The following GTF2A1 variants were observed in gnomAD, a reference collection of about 807,000 sequenced individuals.
The protein encoded by GTF2A1 is general transcription factor IIA subunit 1, also known as transcription initiation factor IIA subunit 1.
In GTF2A1, 12 loss-of-function variants were observed where a neutral mutation model predicts 54.1. That is an observed-to-expected ratio of 0.22 (90% confidence interval 0.14 to 0.36). The LOEUF (loss-of-function observed/expected upper bound fraction) is 0.36. GTF2A1 is among the 10% of genes least tolerant of loss of function. GTF2A1 has a pLI of 1.00. For synonymous variants in GTF2A1, 145 were observed against 152.0 expected (o/e 0.95, Z 0.34); for missense variants, 335 against 442.2 (o/e 0.76, Z 2.17).
intron 2 of GTF2A1, among the ~76,000 whole-genome samples, chr14:81,207,159 C>G (rs1022074906): frequency 1.4e-5 from 2 of 146,702 alleles, no homozygotes; most frequent in African/African-American, 2.6e-5. Context: ...ACCTACCTAC[C>G]TACCTACCTA....
chr14:81,189,330 T>C (rs1458590732), intron 7 of GTF2A1, among the ~76,000 whole-genome samples: 2 of 152,130 alleles, frequency 1.3e-5, no homozygotes, highest in Admixed American at 6.5e-5. Context: ...AAGAAATATA[T>C]CAACTACCAT....
At chr14:81,191,823 A>AT (rs1439139711) in intron 7 of GTF2A1, among the ~76,000 whole-genome samples, 1 of 152,182 alleles carries the variant, frequency 6.6e-6, no homozygotes, top group African/African-American at 2.4e-5. Context: ...ATATTCAATA[A>AT]TAAACTATGT....
chr14:81,220,418 C>T, intron 1 of GTF2A1, 71 bp downstream of exon 1: 3 of 1,110,386 alleles, frequency 2.7e-6, no homozygotes, highest in Non-Finnish European at 3.8e-6. Context: ...CCGCCGTCCC[C>T]GCCCCCGCCC....
intron 3 of GTF2A1, among the ~76,000 whole-genome samples, chr14:81,203,027 A>T (rs936760399): frequency 6.6e-6 from 1 of 152,238 alleles, no homozygotes; most frequent in Non-Finnish European, 1.5e-5. Context: ...TGAACTTTTC[A>T]TTTACTTCTA....
intron 2 of GTF2A1, 67 bp from the exon 3 acceptor site, chr14:81,204,171 T>C (rs1893178600): frequency 1.0e-6 from 1 of 989,012 alleles, no homozygotes; most frequent in Admixed American, 1.7e-5. Context: ...ACAACAGTTT[T>C]ATTAATCTCT....
chr14:81,204,270 CA>C, intron 2 of GTF2A1, 166 bp from the exon 3 acceptor site: 1 of 757,040 alleles, frequency 1.3e-6, no homozygotes. Context: ...ATAACAAAAA[CA>C]AAATTTTAAA....
At chr14:81,181,323 T>C (rs946235770) in intron 8 of GTF2A1, among the ~76,000 whole-genome samples, 1 of 151,134 alleles carries the variant, frequency 6.6e-6, no homozygotes, top group Admixed American at 6.6e-5. Context: ...TTCTCCCTAT[T>C]CTATGATCTA....
In GTF2A1 at chr14:81,203,992, T is replaced by C; in HGVS notation, c.245A>G (p.His82Arg). 1 of 1,613,972 alleles carries C rather than the reference T, an allele frequency of 6.2e-7. No individual in the cohort carries two copies. The highest frequency in any genetic ancestry group is 8.5e-7 in the Non-Finnish European group (1 of 1,179,928). The change falls in exon 3 of 9, where the codon CAC becomes CGC. Residue 82 changes from histidine (H) to arginine (R), a missense_variant. Coordinates refer to ENST00000553612, the MANE Select transcript of GTF2A1 (RefSeq NM_015859.4). ...QQHQPQQQQH[H>R]HHHHHQQAQP... ...AGCTTGCTGATGATGGTGATGGTGG[T>C]GATGCTGCTGCTGCTGGGGTTGATG...
At chr14:81,187,736 A>C (rs1467000501) in intron 7 of GTF2A1, among the ~76,000 whole-genome samples, 2 of 152,222 alleles carry the variant, frequency 1.3e-5, no homozygotes, top group South Asian at 2.1e-4. Flanking sequence ...TCAGCTGATG[A>C]ACATTTGGGT....
intron 7 of GTF2A1, among the ~76,000 whole-genome samples, chr14:81,189,183 A>C (rs1892816880): frequency 6.6e-6 from 1 of 152,252 alleles, no homozygotes; most frequent in Non-Finnish European, 1.5e-5. Flanking sequence ...TGGTTAAAAA[A>C]AATTTACTAG....
At position 81,201,621 on chromosome 14, in the gene GTF2A1, C is replaced by G; in HGVS notation, c.375G>C (p.Leu125Phe). ...APQVIVPDSK[L>F]IQHMNASNMS... ...TGTTTGATGCATTCATATGCTGTATCAACTTAGAATCTGGAACAATAACTT... is the reference window on the plus strand; with the variant it reads ...TGTTTGATGCATTCATATGCTGTATGAACTTAGAATCTGGAACAATAACTT... The change falls in exon 4 of 9, where the codon TTG becomes TTC. Residue 125 changes from leucine to phenylalanine, a missense_variant. Leu to Phe is a conservative substitution (Grantham distance 22). This residue lies in a region of GTF2A1 where 306 missense variants were observed against 360.4 expected (regional missense o/e 0.85). Coordinates refer to ENST00000553612, the MANE Select transcript of GTF2A1 (RefSeq NM_015859.4). The G allele has an allele frequency of 6.2e-7, 1 of 1,609,264 alleles. No individual in the cohort carries two copies. Among genetic ancestry groups the G allele is most frequent in the Non-Finnish European group, 8.5e-7 (1 of 1,175,668 alleles).
At chr14:81,209,991 A>G (rs1315381817) in intron 2 of GTF2A1, 33 of 774,546 alleles carry the variant, frequency 4.3e-5, no homozygotes, top group South Asian at 1.7e-4. Context: ...CTGTTCCTAT[A>G]TAAGGATGCT....
At chr14:81,207,413 A>ATT (rs1893262564) in intron 2 of GTF2A1, among the ~76,000 whole-genome samples, 1 of 152,144 alleles carries the variant, frequency 6.6e-6, no homozygotes, top group African/African-American at 2.4e-5. Flanking sequence ...TACCGCCATG[A>ATT]TTTTGAGGCC....
At position 81,204,021 on chromosome 14, in the gene GTF2A1, C is replaced by T. The variant is rs751393813; in HGVS notation, c.216G>A (p.Gln72=). ...EEQQLLLQVQ[Q]QHQPQQQQHH... ...GCTGCTGCTGCTGGGGTTGATGCTGCTGTTGAACTTGCAGTAGAAGCTGCT... is the reference window on the plus strand; with the variant it reads ...GCTGCTGCTGCTGGGGTTGATGCTGTTGTTGAACTTGCAGTAGAAGCTGCT... The change falls in exon 3 of 9, where the codon CAG becomes CAA. Residue 72 remains glutamine (Q), a synonymous_variant. Transcript: ENST00000553612. 6.2e-6 allele frequency: 10 copies of T among 1,613,554 alleles called. No homozygotes were observed. In the Admixed American group the frequency reaches 1.5e-4, roughly 24 times the overall value.
intron 4 of GTF2A1, among the ~76,000 whole-genome samples, chr14:81,199,776 T>C (rs1893064583): frequency 6.6e-6 from 1 of 152,218 alleles, no homozygotes; most frequent in Admixed American, 6.5e-5. Flanking sequence ...CACTAATTTT[T>C]ATCCCAGAAA....
chr14:81,198,686 A>G (rs1474065204), intron 4 of GTF2A1, among the ~76,000 whole-genome samples: 2 of 152,054 alleles, frequency 1.3e-5, no homozygotes, highest in Non-Finnish European at 2.9e-5. Flanking sequence ...TCTCTTTTCA[A>G]TCTTCTTTAG....
At position 81,203,945 on chromosome 14, in the gene GTF2A1, G is replaced by A. The variant is rs1196969592; in HGVS notation, c.292C>T (p.Gln98Ter). 6.2e-7 allele frequency: 1 copy of A among 1,614,122 alleles called. No individual in the cohort carries two copies. The highest frequency in any genetic ancestry group is 2.2e-5 in the East Asian group (1 of 44,882). The change falls in exon 3 of 9, where the codon CAG (glutamine) becomes TAG (stop). Residue 98 changes from glutamine to a stop codon, truncating the protein, a stop_gained. Coordinates refer to ENST00000553612, the MANE Select transcript of GTF2A1 (RefSeq NM_015859.4). LOFTEE classifies it high-confidence loss of function. The part of the protein sequence containing the change: ...QQAQPQQTVP[Q>*]QAQTQQVLIP... ...AGAACCTGCTGGGTCTGCGCTTGCT[G>A]AGGTACTGTCTGCTGAGGCTGAGCT...
chr14:81,188,188 T>TA (rs1430349157), intron 7 of GTF2A1, among the ~76,000 whole-genome samples: 1 of 152,244 alleles, frequency 6.6e-6, no homozygotes, highest in African/African-American at 2.4e-5. Context: ...TTTTTGTTGT[T>TA]ACGCTGTTTA....
intron 8 of GTF2A1, 97 bp downstream of exon 8, chr14:81,185,434 A>C: frequency 1.5e-6 from 1 of 678,946 alleles, no homozygotes; most frequent in South Asian, 1.8e-5. Flanking sequence ...AAGAGGCATG[A>C]ATCAGCTGCC....
Sources: allele counts gnomAD v4.1 joint callset (sites outside exome capture counted in the v4.1 genomes callset), GRCh38; gene constraint gnomAD v4.1.1; regional missense constraint gnomAD v4.1.1; transcripts MANE v1.5; gene names NCBI Gene and HGNC (gene_info 2026-07-23, HGNC 2026-07-21).